TAFA2: variants seen among roughly 807,000 people sequenced by gnomAD.
TAFA2 encodes TAFA chemokine like family member 2, also known as chemokine-like protein TAFA-2.
Under a neutral mutation model 18.8 loss-of-function variants are expected in TAFA2, and 7 were observed. The observed-to-expected ratio is 0.37, with a 90% CI of 0.21 to 0.70. The LOEUF (loss-of-function observed/expected upper bound fraction) is 0.70. Among genes scored for constraint, TAFA2 ranks in the 30% least tolerant of loss-of-function variants. The probability of loss-of-function intolerance (pLI) is 0.53; values close to 1 mark genes in which losing one functional copy is unlikely to be tolerated. For missense variants in TAFA2, 122 were observed against 158.1 expected, an observed-to-expected ratio of 0.77 and a Z score of 1.23; for synonymous variants, 60 against 54.2, an observed-to-expected ratio of 1.11 and a Z score of -0.47.
intron 1 of TAFA2, among the ~76,000 whole-genome samples, chr12:62,245,135 G>C (rs2062879131): frequency 1.3e-5 from 2 of 151,654 alleles, no homozygotes; most frequent in Non-Finnish European, 2.9e-5. Flanking sequence ...ATTTTAAGTT[G>C]TTTTTACATC....
chr12:61,867,473 C>A, intron 1 of TAFA2, 47 bp from the exon 2 acceptor site: 1 of 1,174,730 alleles, frequency 8.5e-7, no homozygotes, highest in Non-Finnish European at 1.3e-6. Flanking sequence ...AAATTCATAG[C>A]TTTTCCCTTA....
chr12:62,179,707 C>T (rs1305005070), intron 1 of TAFA2, among the ~76,000 whole-genome samples: 2 of 152,122 alleles, frequency 1.3e-5, no homozygotes, highest in African/African-American at 4.8e-5. Flanking sequence ...TTTCTAACTT[C>T]TTACTTTTCT....
At chr12:62,207,550 GA>G (rs1176079907) in intron 1 of TAFA2, among the ~76,000 whole-genome samples, 5 of 152,044 alleles carry the variant, frequency 3.3e-5, no homozygotes, top group African/African-American at 1.2e-4. Context: ...CTGACCTCCA[GA>G]GGCCCACCCA....
chr12:62,045,902 T>C (rs1881895584), intron 1 of TAFA2, among the ~76,000 whole-genome samples: 1 of 152,070 alleles, frequency 6.6e-6, no homozygotes, highest in Non-Finnish European at 1.5e-5. Context: ...CAGGAAAGAA[T>C]ACAAACTGCC....
intron 1 of TAFA2, among the ~76,000 whole-genome samples, chr12:62,075,813 T>A (rs1056034804): frequency 6.6e-6 from 1 of 152,242 alleles, no homozygotes; most frequent in Non-Finnish European, 1.5e-5. Context: ...GAGCTATACA[T>A]AAAACCATTG....
intron 4 of TAFA2, among the ~76,000 whole-genome samples, chr12:61,743,274 C>T (rs931988603): frequency 6.6e-5 from 10 of 152,042 alleles, no homozygotes; most frequent in Non-Finnish European, 1.3e-4. Flanking sequence ...TTAAAAGTCA[C>T]AAATATATGC....
At chr12:61,840,329 G>A (rs1381779334) in intron 2 of TAFA2, among the ~76,000 whole-genome samples, 2 of 152,068 alleles carry the variant, frequency 1.3e-5, no homozygotes, top group Admixed American at 1.3e-4. Flanking sequence ...TATCGAGAGT[G>A]TGATAAATCA....
At chr12:61,990,380 C>A (rs956779735) in intron 1 of TAFA2, among the ~76,000 whole-genome samples, 3 of 120,194 alleles carry the variant, frequency 2.5e-5, no homozygotes, top group Admixed American at 1.1e-4. Context: ...CGCTCTTTTG[C>A]CCAGGCTGGA....
At chr12:61,952,176 GT>G (rs976742404) in intron 1 of TAFA2, among the ~76,000 whole-genome samples, 3 of 152,042 alleles carry the variant, frequency 2.0e-5, no homozygotes, top group Middle Eastern at 3.2e-3. Context: ...TGAAAGGAAG[GT>G]AGACAGATGT....
chr12:62,022,272 G>C (rs1881168430), intron 1 of TAFA2: 1 of 220,834 alleles, frequency 4.5e-6, no homozygotes, highest in South Asian at 7.6e-5. Context: ...CATACTGAAG[G>C]CAACGGCAAG....
intron 1 of TAFA2, among the ~76,000 whole-genome samples, chr12:61,931,639 G>C (rs933450150): frequency 1.3e-5 from 2 of 152,134 alleles, no homozygotes; most frequent in Non-Finnish European, 2.9e-5. Context: ...AGGGCAATAA[G>C]CTACTTTAAT....
chr12:62,043,490 C>A (rs1051387395), intron 1 of TAFA2, among the ~76,000 whole-genome samples: 1 of 152,006 alleles, frequency 6.6e-6, no homozygotes, highest in Non-Finnish European at 1.5e-5. Flanking sequence ...GGAGGGATAG[C>A]ATTAGGAGAT....
intron 1 of TAFA2, among the ~76,000 whole-genome samples, chr12:61,955,632 A>AAAATATATTTATATAT (rs1878655397): frequency 2.4e-5 from 1 of 41,210 alleles, no homozygotes; most frequent in Non-Finnish European, 3.9e-5. Flanking sequence ...AAAAAAAAAA[A>AAAATATATTTATATAT]ATATATATAT....
chr12:61,980,540 T>C (rs571226570), intron 1 of TAFA2, among the ~76,000 whole-genome samples: 2 of 152,308 alleles, frequency 1.3e-5, no homozygotes, highest in South Asian at 4.1e-4. Context: ...GATGACATGA[T>C]TGTATATTTA....
At position 62,057,614 on chromosome 12, in the gene TAFA2, C is replaced by T. The variant is rs79473648; in HGVS notation, c.-2+133645G>A. Among the ~76,000 whole-genome samples, 530 of 152,050 alleles carry T rather than the reference C, an allele frequency of 3.5e-3. 4 individuals are homozygous for T. Among genetic ancestry groups the T allele is most frequent in the African/African-American group, 0.012 (511 of 41,484 alleles). On this transcript the variant is annotated intron_variant, in intron 1 of 4. Coordinates refer to ENST00000416284, the MANE Select transcript of TAFA2 (RefSeq NM_178539.5). ...CTTTACTCAGTTTGGAAATTATGTA[C>T]TCTTGTCTCTTTTCCTTGAGTTCCT... is the stretch of plus-strand genomic sequence containing the variant.
At chr12:62,142,979 T>C (rs994278567) in intron 1 of TAFA2, among the ~76,000 whole-genome samples, 1 of 152,184 alleles carries the variant, frequency 6.6e-6, no homozygotes, top group African/African-American at 2.4e-5. Flanking sequence ...GGTCAAGGAA[T>C]GTACTCAAAG....
At chr12:62,234,497 C>T in intron 1 of TAFA2, 2 of 1,086,088 alleles carry the variant, frequency 1.8e-6, no homozygotes, top group Non-Finnish European at 2.8e-6. Context: ...CTCATGAACT[C>T]TTGGCTGCAC....
At chr12:62,045,856 C>G (rs1881894673) in intron 1 of TAFA2, among the ~76,000 whole-genome samples, 2 of 152,002 alleles carry the variant, frequency 1.3e-5, no homozygotes, top group Non-Finnish European at 2.9e-5. Context: ...AGGAGGCTAC[C>G]CTAACCAGTA....
At chr12:61,725,219 C>A (rs1347643789) in intron 4 of TAFA2, among the ~76,000 whole-genome samples, 3 of 152,034 alleles carry the variant, frequency 2.0e-5, no homozygotes. Context: ...AGTATTGTCT[C>A]CCACTCTGTG....
Sources: allele counts gnomAD v4.1 joint callset (sites outside exome capture counted in the v4.1 genomes callset), GRCh38; gene constraint gnomAD v4.1.1; transcripts MANE v1.5; gene names NCBI Gene and HGNC (gene_info 2026-07-23, HGNC 2026-07-21).